The following CACNB2 variants were observed in gnomAD, a reference collection of about 807,000 sequenced individuals.
CACNB2 encodes calcium voltage-gated channel auxiliary subunit beta 2, also known as voltage-dependent L-type calcium channel subunit beta-2.
A neutral mutation model predicts 73.3 loss-of-function variants in CACNB2; 42 were observed. The observed-to-expected ratio is 0.57, with a 90% CI of 0.45 to 0.74. CACNB2 has a LOEUF of 0.74. CACNB2 is among the 30% of genes least tolerant of loss of function. The pLI, the probability that CACNB2 is intolerant of heterozygous loss-of-function variation, is 0.00. For missense variants in CACNB2, 940 were observed against 853.0 expected, an observed-to-expected ratio of 1.10 and a Z score of -1.27; for synonymous variants, 348 against 310.3, an observed-to-expected ratio of 1.12 and a Z score of -1.28.
chr10:18,467,210 A>G (rs564511654), intron 3 of CACNB2, among the ~76,000 whole-genome samples: 1 of 152,220 alleles, frequency 6.6e-6, no homozygotes, highest in South Asian at 2.1e-4. Context: ...TTTTTTGAAA[A>G]CTCTGAAATA....
At chr10:18,441,859 G>C (rs1254612878) in intron 3 of CACNB2, among the ~76,000 whole-genome samples, 1 of 152,144 alleles carries the variant, frequency 6.6e-6, no homozygotes, top group Non-Finnish European at 1.5e-5. Flanking sequence ...GGACTCAAGT[G>C]GTTCACCTGC....
At chr10:18,404,801 G>A (rs563280147) in intron 3 of CACNB2, among the ~76,000 whole-genome samples, 64 of 152,250 alleles carry the variant, frequency 4.2e-4, no homozygotes, top group African/African-American at 1.5e-3. Context: ...ACCTACAAAA[G>A]GTTATATAAC....
At chr10:18,218,418 G>C (rs2035597921) in intron 2 of CACNB2, among the ~76,000 whole-genome samples, 1 of 152,176 alleles carries the variant, frequency 6.6e-6, no homozygotes, top group African/African-American at 2.4e-5. Flanking sequence ...TAGATCCCAA[G>C]AGACATTAAA....
chr10:18,437,363 C>G (rs1431351942), intron 3 of CACNB2, among the ~76,000 whole-genome samples: 2 of 152,044 alleles, frequency 1.3e-5, no homozygotes, highest in African/African-American at 4.8e-5. Context: ...GGACCCCCTA[C>G]AAAGCCAAAA....
At chr10:18,432,836 AAACAAAC>A (rs2045955060) in intron 3 of CACNB2, among the ~76,000 whole-genome samples, 1 of 19,888 alleles carries the variant, frequency 5.0e-5, no homozygotes, top group South Asian at 1.3e-3. Context: ...CTGTCTAAAA[AAACAAAC>A]AAACAAACAA....
chr10:18,261,835 G>A, intron 2 of CACNB2: 1 of 465,056 alleles, frequency 2.2e-6, no homozygotes, highest in South Asian at 1.6e-5. Context: ...CTCTTTCACT[G>A]AAATAGCCCT....
intron 3 of CACNB2, among the ~76,000 whole-genome samples, chr10:18,478,740 G>C (rs537046139): frequency 8.5e-5 from 13 of 152,300 alleles, no homozygotes; most frequent in African/African-American, 2.9e-4. Context: ...GGATCACTAG[G>C]GAGAATGAAT....
intron 4 of CACNB2, 37 bp downstream of exon 4, chr10:18,498,514 T>C: frequency 6.2e-7 from 1 of 1,608,260 alleles, no homozygotes; most frequent in Non-Finnish European, 8.5e-7. Flanking sequence ...CAGCATGATG[T>C]TTCACCTTGA....
chr10:18,204,598 C>T (rs958600293), intron 2 of CACNB2, among the ~76,000 whole-genome samples: 1 of 152,198 alleles, frequency 6.6e-6, no homozygotes, highest in African/African-American at 2.4e-5. Flanking sequence ...TTTGCTCTGA[C>T]ATTTTATGTG....
At chr10:18,360,847 C>G (rs2042112504) in intron 2 of CACNB2, among the ~76,000 whole-genome samples, 1 of 152,184 alleles carries the variant, frequency 6.6e-6, no homozygotes, top group South Asian at 2.1e-4. Flanking sequence ...AAATCTATGT[C>G]CTTTCCCCTA....
intron 2 of CACNB2, among the ~76,000 whole-genome samples, chr10:18,179,911 T>C (rs116798822): frequency 0.011 from 1,620 of 152,272 alleles, 29 homozygotes; most frequent in African/African-American, 0.037. Context: ...GGGCGTGTTA[T>C]TTTTCATAGT....
intron 3 of CACNB2, among the ~76,000 whole-genome samples, chr10:18,412,337 C>T (rs1294235821): frequency 1.3e-5 from 2 of 152,162 alleles, no homozygotes; most frequent in African/African-American, 4.8e-5. Flanking sequence ...CATCTTTTTT[C>T]TTCCTTACCC....
At chr10:18,377,458 C>T (rs1430448060) in intron 2 of CACNB2, among the ~76,000 whole-genome samples, 2 of 152,158 alleles carry the variant, frequency 1.3e-5, no homozygotes, top group Admixed American at 1.3e-4. Flanking sequence ...TGTGTTGCAA[C>T]CACTCAGTTC....
chr10:18,469,026 A>G (rs2048043668), intron 3 of CACNB2, among the ~76,000 whole-genome samples: 1 of 152,218 alleles, frequency 6.6e-6, no homozygotes, highest in Admixed American at 6.5e-5. Flanking sequence ...AATATTAAGA[A>G]TTGTTTGACC....
At chr10:18,475,963 T>G (rs2048419685) in intron 3 of CACNB2, among the ~76,000 whole-genome samples, 5 of 152,014 alleles carry the variant, frequency 3.3e-5, no homozygotes, top group Admixed American at 3.3e-4. Flanking sequence ...TAGAGTAAGG[T>G]GAAAGCAATT....
intron 3 of CACNB2, among the ~76,000 whole-genome samples, chr10:18,492,620 C>CAAAAAAAAAAAAAAAAAAAAAAAAAAAA (rs371407084): frequency 1.1e-5 from 1 of 90,490 alleles, no homozygotes; most frequent in African/African-American, 4.5e-5. Flanking sequence ...GACTCTGTCT[C>CAAAAAAAAAAAAAAAAAAAAAAAAAAAA]AAAAAAAAAA....
intron 2 of CACNB2, among the ~76,000 whole-genome samples, chr10:18,300,161 A>T (rs546117480): frequency 6.6e-6 from 1 of 152,060 alleles, no homozygotes; most frequent in Non-Finnish European, 1.5e-5. Context: ...AGCTGGGATT[A>T]TAGGCGTGCA....
chr10:18,229,429 TG>T (rs2036141220), intron 2 of CACNB2, among the ~76,000 whole-genome samples: 1 of 152,200 alleles, frequency 6.6e-6, no homozygotes, highest in Non-Finnish European at 1.5e-5. Context: ...AAATTTAATG[TG>T]GGATTTTAAA....
At chr10:18,490,347 G>T (rs779472295) in intron 3 of CACNB2, among the ~76,000 whole-genome samples, 1 of 152,102 alleles carries the variant, frequency 6.6e-6, no homozygotes, top group African/African-American at 2.4e-5. Flanking sequence ...TTTACCAGTC[G>T]CCCTCATGCT....
Sources: allele counts gnomAD v4.1 joint callset (sites outside exome capture counted in the v4.1 genomes callset), GRCh38; gene constraint gnomAD v4.1.1; transcripts MANE v1.5; gene names NCBI Gene and HGNC (gene_info 2026-07-23, HGNC 2026-07-21).